Variants in IMPDH1 observed in about 807,000 individuals in gnomAD.
IMPDH1 encodes inosine-5'-monophosphate dehydrogenase 1.
In IMPDH1, 41 loss-of-function variants were observed where a neutral mutation model predicts 73.5. The observed-to-expected ratio is 0.56, with a 90% CI of 0.43 to 0.72. The LOEUF is 0.72. IMPDH1 is among the 30% of genes least tolerant of loss of function. The pLI, the probability that IMPDH1 is intolerant of heterozygous loss-of-function variation, is 0.00. For synonymous variants in IMPDH1, 318 were observed against 334.3 expected, an observed-to-expected ratio of 0.95 and a Z score of 0.53; for missense variants, 645 against 824.8, an observed-to-expected ratio of 0.78 and a Z score of 2.67.
At chr7:128,409,717 G>A (rs1261130442) in intron 1 of IMPDH1, 39 bp downstream of exon 1, 5 of 1,522,860 alleles carry the variant, frequency 3.3e-6, no homozygotes, top group Non-Finnish European at 4.4e-6. Context: ...TCGGCCGCCC[G>A]CCCCGGATGC....
At chr7:128,401,161 G>C in intron 5 of IMPDH1, 45 bp from the exon 6 acceptor site, 1 of 1,432,916 alleles carries the variant, frequency 7.0e-7, no homozygotes, top group Non-Finnish European at 9.8e-7. Context: ...ATCACCCACT[G>C]GACACTCACT....
At chr7:128,397,821 G>T (rs1211809260) in intron 10 of IMPDH1, among the ~76,000 whole-genome samples, 2 of 152,188 alleles carry the variant, frequency 1.3e-5, no homozygotes, top group Non-Finnish European at 2.9e-5. Context: ...GGCTTCAAGT[G>T]TACCTAATAC....
rs1798967853 is a variant in IMPDH1 at position 128,409,151 on chromosome 7, C to CA, written c.254+137_254+138insT. ...GTCCCCCTGGGGCCCAGCTCACTAC[C>CA]CTACTCTTCCTCCAGTGTCCCTCAT... On this transcript the variant is annotated intron_variant, in intron 3 of 16. Coordinates refer to ENST00000338791, the MANE Select transcript of IMPDH1 (RefSeq NM_000883.4). The CA allele has an allele frequency of 3.8e-6, 3 of 787,236 alleles. No individual in the cohort carries two copies. The African/African-American group carries it at 5.1e-5, about 13-fold the overall frequency. 48.8% of individuals were successfully genotyped at this position (787,236 alleles called of 1,614,324 possible). A position where few individuals can be genotyped will look rare whatever the true frequency, so the allele number is the denominator to read the frequency against.
At chr7:128,400,262 G>C in intron 8 of IMPDH1, 71 bp downstream of exon 8, 4 of 1,606,038 alleles carry the variant, frequency 2.5e-6, no homozygotes, top group Non-Finnish European at 2.6e-6. Context: ...CCTGGTCACA[G>C]GCACCAGTCT....
In IMPDH1 at chr7:128,398,392, A is replaced by G; in HGVS notation, c.1074+22T>C. ...GCTGAACCACTCATCCATCTCCCCCACCACTCAGGCGGGGGCCTTACCAAG... is the reference window on the plus strand; with the variant it reads ...GCTGAACCACTCATCCATCTCCCCCGCCACTCAGGCGGGGGCCTTACCAAG... On this transcript the variant is annotated intron_variant, in intron 10 of 16. Transcript: ENST00000338791. The surrounding 1 kb of genome is among the most constrained non-coding windows in gnomAD (Gnocchi z 4.3). 1.3e-6 allele frequency: 2 copies of G among 1,596,816 alleles called. No individual in the cohort carries two copies. Among genetic ancestry groups the G allele is most frequent in the Non-Finnish European group, 1.7e-6 (2 of 1,165,782 alleles).
chr7:128,405,059 T>TGGCAGGGGCACAGTCCTGCA (rs1798614042), intron 4 of IMPDH1, among the ~76,000 whole-genome samples: 1 of 152,176 alleles, frequency 6.6e-6, no homozygotes, highest in African/African-American at 2.4e-5. Flanking sequence ...TGCTCCTTCC[T>TGGCAGGGGCACAGTCCTGCA]GGCAGGGGCA....
Position 128,409,913 on chromosome 7 carries a change from A to G in IMPDH1, c.-12T>C. On this transcript the variant is annotated 5_prime_UTR_variant, in exon 1 of 17. Transcript: ENST00000338791. Reference sequence around the variant, plus strand: ...AGTGGCCCCTCCATGCGGAGGCCGCAGCTCAGGGCGGGCGGGAGCCTGGAG... The same window carrying G: ...AGTGGCCCCTCCATGCGGAGGCCGCGGCTCAGGGCGGGCGGGAGCCTGGAG... 1 of 1,380,386 alleles carries G rather than the reference A, an allele frequency of 7.2e-7. No individual in the cohort carries two copies. The highest frequency in any genetic ancestry group is 9.3e-7 in the Non-Finnish European group (1 of 1,071,066). 85.5% of individuals were successfully genotyped at this position (1,380,386 alleles called of 1,614,324 possible).
At position 128,392,955 on chromosome 7, in the gene IMPDH1, A is replaced by G. The variant is rs1797631433; in HGVS notation, c.*52T>C. ...AGTTATGGAGGGAGGCTGTGCCCAA[A>G]AGTGGACACTGGGGTGCATCCCCTC... On this transcript the variant is annotated 3_prime_UTR_variant, in exon 17 of 17. Coordinates refer to ENST00000338791, the MANE Select transcript of IMPDH1 (RefSeq NM_000883.4). The G allele has an allele frequency of 6.3e-7, 1 of 1,597,258 alleles. No individual in the cohort carries two copies. The highest frequency in any genetic ancestry group is 8.6e-7 in the Non-Finnish European group (1 of 1,164,952).
Position 128,392,872 on chromosome 7 carries a change from C to A in IMPDH1, c.*135G>T. On this transcript the variant is annotated 3_prime_UTR_variant, in exon 17 of 17. Transcript: ENST00000338791. The stretch of plus-strand genomic sequence containing the variant: ...GGGCAGCAGTCCCCTCAGGACCTCC[C>A]CTCCTCTCTGCCTGGAAAGGAGCTG... 1.2e-6 allele frequency: 1 copy of A among 853,306 alleles called. No homozygotes were observed. Among genetic ancestry groups the A allele is most frequent in the South Asian group, 1.5e-5 (1 of 67,688 alleles). 52.9% of individuals were successfully genotyped at this position (853,306 alleles called of 1,614,324 possible). A position where few individuals can be genotyped will look rare whatever the true frequency, so the allele number is the denominator to read the frequency against.
At chr7:128,402,101 GT>G (rs1183576154) in intron 5 of IMPDH1, among the ~76,000 whole-genome samples, 61 of 145,428 alleles carry the variant, frequency 4.2e-4, no homozygotes, top group African/African-American at 5.0e-4. Flanking sequence ...GCCAGGCAGG[GT>G]TTTTTTTTTT....
rs186533317 is a variant in IMPDH1, at chr7:128,396,143, C to G, written c.1261+457G>C. Among the ~76,000 whole-genome samples, 3 of 152,162 alleles carry G rather than the reference C, an allele frequency of 2.0e-5. No individual in the cohort carries two copies. The highest frequency in any genetic ancestry group is 7.2e-5 in the African/African-American group (3 of 41,418). On this transcript the variant is annotated intron_variant, in intron 12 of 16. Transcript: ENST00000338791. The surrounding 1 kb of genome is among the most constrained non-coding windows in gnomAD (Gnocchi z 4.0). ...ATGGGGGACACATGCCAGGCTCCCC[C>G]CTTCCCACTTCATGTTCAGGAACCC...
chr7:128,406,174 C>T (rs1319224896), intron 3 of IMPDH1, among the ~76,000 whole-genome samples: 5 of 90,192 alleles, frequency 5.5e-5, no homozygotes, highest in African/African-American at 1.3e-4. Flanking sequence ...CCCCGCAAGC[C>T]CGGACCGGGT....
intron 9 of IMPDH1, among the ~76,000 whole-genome samples, chr7:128,399,276 G>T (rs559705421): frequency 6.6e-6 from 1 of 152,158 alleles, no homozygotes; most frequent in South Asian, 2.1e-4. Context: ...TGAGGTAGGA[G>T]ACTTGCTTGA....
rs1451235774 is a variant in IMPDH1 at position 128,394,390 on chromosome 7, G to A, written c.1695-29C>T. 2.5e-6 allele frequency: 4 copies of A among 1,612,062 alleles called. No homozygotes were observed. The highest frequency in any genetic ancestry group is 3.4e-6 in the Non-Finnish European group (4 of 1,178,144). On this transcript the variant is annotated intron_variant, in intron 15 of 16. Transcript: ENST00000338791. The surrounding 1 kb of genome is among the most constrained non-coding windows in gnomAD (Gnocchi z 5.5). The stretch of plus-strand genomic sequence containing the variant: ...GGAGGAAGGTAGGTGGAGCAGATCA[G>A]GGCCACCAAGGGTGGAGAAGAGCGA...
At position 128,394,242 on chromosome 7, in the gene IMPDH1, G is replaced by A. The variant is rs757730517; in HGVS notation, c.1778+36C>T. 1 of 1,576,060 alleles carries A rather than the reference G, an allele frequency of 6.3e-7. No homozygotes were observed. Among genetic ancestry groups the A allele is most frequent in the Non-Finnish European group, 8.7e-7 (1 of 1,146,088 alleles). On this transcript the variant is annotated intron_variant, in intron 16 of 16. Transcript: ENST00000338791. The surrounding 1 kb of genome is among the most constrained non-coding windows in gnomAD (Gnocchi z 5.5). The stretch of plus-strand genomic sequence containing the variant: ...CCTGGCCCCACCTGCCCAACCCACT[G>A]CCTCCAAGTGACAGCAAGGAGGCCA...
chr7:128,398,463 T>C lies in IMPDH1; in HGVS notation c.1025A>G (p.Lys342Arg). The change falls in exon 10 of 17, where the codon AAA (lysine) becomes AGA (arginine). Residue 342 changes from lysine (K) to arginine (R), a missense_variant. Transcript: ENST00000338791. This position sits in a 1 kb window ranked among gnomAD's most constrained non-coding sequence, Gnocchi z 4.3. ...CTGGGTGAGCAGGTCCAGACGGTAT[T>C]TGTCATCCTCACGGGTGCCCACAGC... ...GAAVGTREDD[K>R]YRLDLLTQAG... 1.2e-6 allele frequency: 2 copies of C among 1,613,632 alleles called. No individual in the cohort carries two copies. The highest frequency in any genetic ancestry group is 1.7e-6 in the Non-Finnish European group (2 of 1,179,828).
intron 3 of IMPDH1, among the ~76,000 whole-genome samples, chr7:128,407,460 A>G (rs965051835): frequency 5.9e-5 from 9 of 152,192 alleles, no homozygotes; most frequent in Admixed American, 6.5e-5. Context: ...AGCCCGGGCC[A>G]CATGGGGGAC....
At chr7:128,408,089 G>A (rs1563004375) in intron 3 of IMPDH1, among the ~76,000 whole-genome samples, 1 of 152,150 alleles carries the variant, frequency 6.6e-6, no homozygotes, top group Non-Finnish European at 1.5e-5. Flanking sequence ...TCCATGGGGA[G>A]GAGACACCGA....
chr7:128,397,155 T>G (rs1797980533), intron 10 of IMPDH1, 133 bp from the exon 11 acceptor site: 2 of 642,794 alleles, frequency 3.1e-6, no homozygotes, highest in Non-Finnish European at 5.5e-6. Flanking sequence ...CTGGTTGTTT[T>G]TTTTTTTTTT....
Sources: allele counts gnomAD v4.1 joint callset (sites outside exome capture counted in the v4.1 genomes callset), GRCh38; gene constraint gnomAD v4.1.1; non-coding constraint Gnocchi (gnomAD v3.1); transcripts MANE v1.5; gene names NCBI Gene and HGNC (gene_info 2026-07-23, HGNC 2026-07-21).